Variants in CLIC5 observed in about 807,000 individuals in gnomAD.
CLIC5 encodes chloride intracellular channel protein 5.
In CLIC5, 20 loss-of-function variants were observed where a neutral mutation model predicts 24.7. The ratio of observed to expected loss-of-function variants is 0.81; its 90% CI spans 0.57 to 1.18. The LOEUF (loss-of-function observed/expected upper bound fraction) is 1.18, where lower values mean the gene tolerates loss of function less well. CLIC5 is among the 50% of genes most tolerant of loss of function. The pLI, the probability that CLIC5 is intolerant of heterozygous loss-of-function variation, is 0.00. For synonymous variants in CLIC5, 159 were observed against 135.6 expected (o/e 1.17, Z -1.20); for missense variants, 341 against 326.1 (o/e 1.05, Z -0.35).
At chr6:45,957,653 G>A (rs1435393577) in intron 1 of CLIC5, among the ~76,000 whole-genome samples, 2 of 152,154 alleles carry the variant, frequency 1.3e-5, no homozygotes, top group Non-Finnish European at 2.9e-5. Flanking sequence ...TATTAATCTT[G>A]TATTAAACTA....
At chr6:46,057,301 A>T (rs1409424471) in intron 1 of CLIC5, among the ~76,000 whole-genome samples, 1 of 152,210 alleles carries the variant, frequency 6.6e-6, no homozygotes, top group African/African-American at 2.4e-5. Context: ...AATAAGTCTC[A>T]CAAAATCTGA....
intron 1 of CLIC5, among the ~76,000 whole-genome samples, chr6:46,051,750 C>A (rs1009154228): frequency 2.0e-5 from 3 of 152,108 alleles, no homozygotes; most frequent in Non-Finnish European, 4.4e-5. Context: ...TATATTTTAT[C>A]TTTTGATGCT....
At chr6:46,041,572 AT>A (rs902647022) in intron 1 of CLIC5, among the ~76,000 whole-genome samples, 1 of 152,174 alleles carries the variant, frequency 6.6e-6, no homozygotes, top group African/African-American at 2.4e-5. Context: ...GAAAACAGGG[AT>A]TTTTTTGGTT....
chr6:45,923,421 A>C (rs767737317), intron 4 of CLIC5, among the ~76,000 whole-genome samples: 1 of 152,220 alleles, frequency 6.6e-6, no homozygotes, highest in Admixed American at 6.5e-5. Flanking sequence ...TTTCATCCTC[A>C]AATAGCCACA....
At chr6:45,955,872 C>T (rs1457305737) in intron 1 of CLIC5, among the ~76,000 whole-genome samples, 1 of 152,082 alleles carries the variant, frequency 6.6e-6, no homozygotes, top group Non-Finnish European at 1.5e-5. Context: ...TTGGCCTTCA[C>T]TGTCAATAAT....
At chr6:46,053,702 C>CCT (rs1768167569) in intron 1 of CLIC5, among the ~76,000 whole-genome samples, 1 of 152,132 alleles carries the variant, frequency 6.6e-6, no homozygotes, top group Non-Finnish European at 1.5e-5. Context: ...CAAACTATTT[C>CCT]CTCTCAGCTT....
the CLIC5 span, among the ~76,000 whole-genome samples, chr6:46,108,032 C>CAAAAAAA: frequency 1.6e-3 from 53 of 33,300 alleles, 4 homozygotes; most frequent in Middle Eastern, 0.059. Context: ...AAAACTCCAT[C>CAAAAAAA]AAAAAAAAAA....
At chr6:45,958,723 C>T (rs4236087) in intron 1 of CLIC5, among the ~76,000 whole-genome samples, 127,559 of 151,588 alleles carry the variant, frequency 0.84, 54,274 homozygotes, top group Non-Finnish European at 0.9. Flanking sequence ...TTATATATTG[C>T]CTTTCATGTG....
chr6:45,943,237 TA>T (rs948469561), intron 3 of CLIC5, among the ~76,000 whole-genome samples: 2 of 152,232 alleles, frequency 1.3e-5, no homozygotes, highest in Non-Finnish European at 2.9e-5. Flanking sequence ...GACTAGGTTT[TA>T]AATTCCACAT....
chr6:45,948,355 G>T (rs920829092), intron 3 of CLIC5, among the ~76,000 whole-genome samples: 1 of 152,058 alleles, frequency 6.6e-6, no homozygotes, highest in Admixed American at 6.5e-5. Flanking sequence ...GTCACCAATG[G>T]CTCCCCAGAA....
chr6:45,989,959 T>C (rs189466748), intron 1 of CLIC5, among the ~76,000 whole-genome samples: 2 of 152,222 alleles, frequency 1.3e-5, no homozygotes, highest in Admixed American at 1.3e-4. Context: ...GCATCTTTGT[T>C]CTTGAGAGGG....
At chr6:45,922,064 A>G (rs1431585412) in intron 4 of CLIC5, among the ~76,000 whole-genome samples, 1 of 152,218 alleles carries the variant, frequency 6.6e-6, no homozygotes, top group Non-Finnish European at 1.5e-5. Context: ...CAACTTCAAC[A>G]GATTCCCCAC....
At chr6:46,019,672 G>A (rs1437578680), upstream of CLIC5, among the ~76,000 whole-genome samples, 17 of 123,784 alleles carry the variant, frequency 1.4e-4, no homozygotes, top group African/African-American at 4.1e-4. Flanking sequence ...CGGCCTGGGC[G>A]ACAGAGCGAG....
intron 1 of CLIC5, among the ~76,000 whole-genome samples, chr6:45,967,272 C>G (rs1765047159): frequency 6.6e-6 from 1 of 152,198 alleles, no homozygotes; most frequent in Non-Finnish European, 1.5e-5. Flanking sequence ...GTTCCAGAGA[C>G]TGGGGATGTA....
chr6:46,079,198 AT>A, intron 1 of CLIC5, among the ~76,000 whole-genome samples: 1 of 152,312 alleles, frequency 6.6e-6, no homozygotes, highest in East Asian at 1.9e-4. Flanking sequence ...TACTGAAATC[AT>A]TTGACTTCAT....
chr6:46,015,781 G>A lies in CLIC5; in HGVS notation c.-239C>T. On this transcript the variant is annotated 5_prime_UTR_variant, in exon 1 of 6. Transcript: ENST00000339561. ...AGGCGGGGGGCCACGGGGAAAGCCG[G>A]GTTAAGGGAATGACAACAGGTCGTG... The A allele has an allele frequency of 3.3e-6, 4 of 1,224,704 alleles. No individual in the cohort carries two copies. Among genetic ancestry groups the A allele is most frequent in the Non-Finnish European group, 4.1e-6 (4 of 982,510 alleles). The allele number at this position is 1,224,704 out of a possible 1,614,324, so 75.9% of individuals were successfully genotyped here.
chr6:46,080,152 G>A (rs1339975183), exon 1 of CLIC5: 1 of 1,551,454 alleles, frequency 6.4e-7, no homozygotes, highest in Non-Finnish European at 8.7e-7. Context: ...TCATAATGGG[G>A]ACTTTCATTT....
chr6:46,008,752 A>AAAGGTC (rs1766692985), intron 1 of CLIC5, among the ~76,000 whole-genome samples: 1 of 152,228 alleles, frequency 6.6e-6, no homozygotes, highest in African/African-American at 2.4e-5. Context: ...ATTACAAAAG[A>AAAGGTC]AAGGTCAAAA....
intron 2 of CLIC5, among the ~76,000 whole-genome samples, chr6:45,953,584 G>A (rs1168973152): frequency 1.3e-5 from 2 of 152,172 alleles, no homozygotes; most frequent in Non-Finnish European, 2.9e-5. Context: ...ACGGTGAGAA[G>A]TGTTGGGAAA....
Sources: gnomAD v4.1 joint callset for allele counts (sites outside exome capture counted in the v4.1 genomes callset) on GRCh38, gnomAD v4.1.1 for gene constraint, MANE v1.5 for transcripts, NCBI Gene and HGNC (gene_info 2026-07-23, HGNC 2026-07-21) for gene names.